DENND4A: variants seen among roughly 807,000 people sequenced by gnomAD.
DENND4A encodes DENN domain containing 4A.
Under a neutral mutation model 199.3 loss-of-function variants are expected in DENND4A, and 70 were observed. The observed-to-expected ratio is 0.35, with a 90% CI of 0.29 to 0.43. The LOEUF (loss-of-function observed/expected upper bound fraction) is 0.43. DENND4A is among the 20% of genes least tolerant of loss of function. The pLI is 1.00. For synonymous variants in DENND4A, 686 were observed against 766.9 expected (o/e 0.89, Z 1.74); for missense variants, 1,723 against 2,255.8 (o/e 0.76, Z 4.78).
Position 65,758,543 on chromosome 15 carries a change from C to T in DENND4A, c.-22-2071G>A, listed in dbSNP as rs913324824. On this transcript the variant is annotated intron_variant, in intron 2 of 32. Transcript: ENST00000443035. ...CCCAGGCTGGTCTCAAATTCCTGGG[C>T]TCAAGAGATTCTCCCGCCTCAGCCT... is the stretch of plus-strand genomic sequence containing the variant. 2.0e-5 allele frequency among the ~76,000 whole-genome samples: 3 copies of T among 152,218 alleles called. No homozygotes were observed. In the East Asian group the frequency reaches 5.8e-4, roughly 29 times the overall value.
chr15:65,772,996 T>C (rs1395697861), intron 1 of DENND4A, among the ~76,000 whole-genome samples: 2 of 76,130 alleles, frequency 2.6e-5, no homozygotes, highest in Non-Finnish European at 5.3e-5. Context: ...TTCTATTGTT[T>C]CTAAGCAAAA....
intron 20 of DENND4A, among the ~76,000 whole-genome samples, chr15:65,699,150 A>C (rs934044611): frequency 1.3e-5 from 2 of 152,204 alleles, no homozygotes; most frequent in Non-Finnish European, 2.9e-5. Context: ...ATAATCAAGG[A>C]ATAAAATCAA....
chr15:65,706,884 A>G (rs988046232), intron 14 of DENND4A, among the ~76,000 whole-genome samples: 68 of 152,330 alleles, frequency 4.5e-4, no homozygotes, highest in African/African-American at 1.6e-3. Flanking sequence ...TAGGGTAGAC[A>G]AGGATGGAAT....
chr15:65,733,686 T>C (rs1268454322), intron 7 of DENND4A, among the ~76,000 whole-genome samples: 4 of 152,224 alleles, frequency 2.6e-5, no homozygotes, highest in East Asian at 1.9e-4. Context: ...AGATTGTTAC[T>C]GTGTCTGTGT....
chr15:65,743,319 C>T (rs1254085070), intron 4 of DENND4A, among the ~76,000 whole-genome samples: 1 of 152,216 alleles, frequency 6.6e-6, no homozygotes, highest in Non-Finnish European at 1.5e-5. Flanking sequence ...CTTTAAGACA[C>T]ACCATTTTCC....
chr15:65,717,680 T>C (rs1596511059), intron 13 of DENND4A, 98 bp downstream of exon 13: 1 of 1,076,488 alleles, frequency 9.3e-7, no homozygotes, highest in East Asian at 2.6e-5. Context: ...AATAGGTATG[T>C]ATTCTCATAA....
At chr15:65,746,766 T>G (rs1159803564) in intron 4 of DENND4A, among the ~76,000 whole-genome samples, 3 of 151,678 alleles carry the variant, frequency 2.0e-5, no homozygotes, top group African/African-American at 7.3e-5. Flanking sequence ...GAAAGAGTAT[T>G]TAAAAAATAC....
At chr15:65,676,379 T>C in intron 24 of DENND4A, 66 bp downstream of exon 24, 2 of 1,282,480 alleles carry the variant, frequency 1.6e-6, no homozygotes, top group Middle Eastern at 2.0e-4. Context: ...AAGAAAAAAG[T>C]GAAAGTGTCA....
intron 12 of DENND4A, among the ~76,000 whole-genome samples, chr15:65,720,947 T>TATTATATATA (rs1555425654): frequency 7.9e-5 from 6 of 76,224 alleles, no homozygotes; most frequent in Non-Finnish European, 1.6e-4. Context: ...GTTTCATTGA[T>TATTATATATA]TATATATATA....
intron 7 of DENND4A, among the ~76,000 whole-genome samples, chr15:65,736,154 T>C (rs2076109625): frequency 1.3e-5 from 2 of 152,242 alleles, no homozygotes; most frequent in South Asian, 4.1e-4. Flanking sequence ...GAAGATGGGA[T>C]TAACTTGGCA....
At chr15:65,778,297 G>A (rs1347773866) in intron 1 of DENND4A, among the ~76,000 whole-genome samples, 1 of 151,948 alleles carries the variant, frequency 6.6e-6, no homozygotes, top group Non-Finnish European at 1.5e-5. Context: ...CAAAAAGGGG[G>A]TGAGGTTTTT....
In DENND4A at chr15:65,729,200, T is replaced by C. The variant is rs1312314375; in HGVS notation, c.1359A>G (p.Pro453=). Residue 453 remains proline (P), a synonymous_variant, in exon 11 of 33, where the codon CCA becomes CCG. Coordinates refer to ENST00000443035, the MANE Select transcript of DENND4A (RefSeq NM_001320835.1). ...HWPCPYVPLC[P]LALADVLSAP... is the part of the protein sequence containing the mutation. Reference sequence around the variant, plus strand: ...CACTCAAGACATCTGCTAAAGCCAGTGGGCAGAGAGGAACATACGGGCATG... The same window carrying C: ...CACTCAAGACATCTGCTAAAGCCAGCGGGCAGAGAGGAACATACGGGCATG... 1 of 1,588,042 alleles carries C rather than the reference T, an allele frequency of 6.3e-7. No individual in the cohort carries two copies. The highest frequency in any genetic ancestry group is 2.3e-5 in the East Asian group (1 of 44,112).
intron 1 of DENND4A, among the ~76,000 whole-genome samples, chr15:65,762,961 T>G (rs1387517395): frequency 6.6e-6 from 1 of 152,206 alleles, no homozygotes; most frequent in Non-Finnish European, 1.5e-5. Context: ...AACAAGAGAA[T>G]AAGCAATGTC....
At chr15:65,700,715 G>C (rs1335457296) in intron 19 of DENND4A, 40 bp from the exon 20 acceptor site, 8 of 1,478,082 alleles carry the variant, frequency 5.4e-6, no homozygotes, top group Admixed American at 2.7e-5. Flanking sequence ...TACTCGAAGA[G>C]GTAAATACAC....
chr15:65,769,482 T>TA (rs1027798195), intron 1 of DENND4A, among the ~76,000 whole-genome samples: 2 of 152,146 alleles, frequency 1.3e-5, no homozygotes, highest in Non-Finnish European at 2.9e-5. Flanking sequence ...TCAGCCAAAT[T>TA]AAAATCCTGG....
rs377457720 is a variant in DENND4A at position 65,702,379 on chromosome 15, T to C, written c.2356A>G (p.Lys786Glu). The C allele has an allele frequency of 6.4e-7, 1 of 1,557,586 alleles. No individual in the cohort carries two copies. The highest frequency in any genetic ancestry group is 8.7e-7 in the Non-Finnish European group (1 of 1,150,296). The change falls in exon 17 of 33, where the codon AAA becomes GAA. Residue 786 changes from lysine (K) to glutamate (E), a missense_variant. Lys to Glu is a moderately conservative substitution (Grantham distance 56). Around this residue, in one of 6 missense-constraint regions of DENND4A, gnomAD observed 725 missense variants for 952.9 expected, o/e 0.76. Coordinates refer to ENST00000443035, the MANE Select transcript of DENND4A (RefSeq NM_001320835.1). ...TATGCTGTTTTCAGAGCCCTGACTT[T>C]TGAATGACAGACTTTCACATAAGCT... The part of the protein sequence containing the change: ...LPAYVKVCHS[K>E]VRALKTAYDV...
rs2076967606 is a variant in DENND4A, at chr15:65,691,481, G to T, written c.3113C>A (p.Ser1038Tyr). Reference sequence around the variant, plus strand: ...TCGTGTTTCATTTGTATCTTCAAGAGATGATATTAAGAGCAGCTCAGGTGT... The same window carrying T: ...TCGTGTTTCATTTGTATCTTCAAGATATGATATTAAGAGCAGCTCAGGTGT... The part of the protein sequence containing the change: ...ESTPELLLIS[S>Y]LEDTNETRNI... The change falls in exon 23 of 33, where the codon TCT (serine) becomes TAT (tyrosine). Residue 1038 changes from serine (S) to tyrosine (Y), a missense_variant. Transcript: ENST00000443035. The T allele has an allele frequency of 1.2e-6, 2 of 1,610,184 alleles. No individual in the cohort carries two copies. The highest frequency in any genetic ancestry group is 3.4e-5 in the Admixed American group (2 of 59,344).
intron 1 of DENND4A, among the ~76,000 whole-genome samples, chr15:65,782,964 ATCT>A (rs1390984441): frequency 6.6e-6 from 1 of 150,566 alleles, no homozygotes; most frequent in Non-Finnish European, 1.5e-5. Context: ...GATGGAAGGG[ATCT>A]TTTTTTTTTT....
At chr15:65,704,400 G>A (rs1009657728) in intron 15 of DENND4A, among the ~76,000 whole-genome samples, 1 of 152,110 alleles carries the variant, frequency 6.6e-6, no homozygotes. Context: ...TTTGATTTAT[G>A]TCTGTTCCAT....
Sources: gnomAD v4.1 joint callset for allele counts (sites outside exome capture counted in the v4.1 genomes callset) on GRCh38, gnomAD v4.1.1 for gene constraint, gnomAD v4.1.1 regional missense constraint, MANE v1.5 for transcripts, NCBI Gene and HGNC (gene_info 2026-07-23, HGNC 2026-07-21) for gene names.